The following SPACA6 variants were observed in gnomAD, a reference collection of about 807,000 sequenced individuals.
SPACA6 encodes the protein sperm acrosome membrane-associated protein 6.
For synonymous variants in SPACA6, 6 were observed against 1.5 expected, an observed-to-expected ratio of 4.05 and a Z score of -2.21; for missense variants, 8 against 2.8, an observed-to-expected ratio of 2.88 and a Z score of -1.34.
chr19:51,694,653 A>T (rs1248748718), intron 2 of SPACA6, 98 bp downstream of exon 2: 1 of 398,702 alleles, frequency 2.5e-6, no homozygotes, highest in Non-Finnish European at 4.4e-6. Flanking sequence ...AGGCCCCCAG[A>T]GTTGGGCAGT....
chr19:51,690,240 C>T (rs1276566655), upstream of SPACA6, among the ~76,000 whole-genome samples: 2 of 151,460 alleles, frequency 1.3e-5, no homozygotes, highest in Non-Finnish European at 2.9e-5. Flanking sequence ...TTTCCAGGAT[C>T]CAGGAGTCTG....
At chr19:51,707,718 C>A (rs995260664), downstream of SPACA6, among the ~76,000 whole-genome samples, 8 of 152,188 alleles carry the variant, frequency 5.3e-5, no homozygotes, top group Admixed American at 5.2e-4. Context: ...CAAGACTGCC[C>A]CCACTTCAGA....
Position 51,703,737 on chromosome 19 carries a change from G to A in SPACA6, c.574-293G>A, listed in dbSNP as rs2083488922. Among the ~76,000 whole-genome samples, 1 of 152,156 alleles carries A rather than the reference G, an allele frequency of 6.6e-6. No homozygotes were observed. The highest frequency in any genetic ancestry group is 6.5e-5 in the Admixed American group (1 of 15,284). On this transcript the variant is annotated intron_variant, in intron 6 of 8. Coordinates refer to ENST00000637797, the MANE Select transcript of SPACA6 (RefSeq NM_001316972.2). The surrounding 1 kb of genome is among the most constrained non-coding windows in gnomAD (Gnocchi z 4.2). ...TGCTTAAGTCCAGGAGTTTGAGGCT[G>A]CAGTGAGCTATGATCGCGCCACTGC...
rs560034630 is a variant in SPACA6 at position 51,700,108 on chromosome 19, G to A, written c.293-1550G>A. ...ATCTCTACTAAAAATATAAAAATTC[G>A]CCGAGCATGGTGGTGGGTGCCTGTA... On this transcript the variant is annotated intron_variant, in intron 2 of 8. Transcript: ENST00000637797. Among the ~76,000 whole-genome samples the A allele has an allele frequency of 6.1e-4, 93 of 152,180 alleles. No homozygotes were observed. In the South Asian group the frequency reaches 6.2e-3, roughly 10 times the overall value.
chr19:51,692,771 C>T (rs1341392677), upstream of SPACA6: 2 of 534,502 alleles, frequency 3.7e-6, no homozygotes, highest in South Asian at 1.4e-5. This position sits in a 1 kb window ranked among gnomAD's most constrained non-coding sequence, Gnocchi z 5.6. Flanking sequence ...TCGGGTCTGT[C>T]CACCTGCCGC....
chr19:51,712,257 T>C (rs2083545148), exon 3 of SPACA6: 2 of 152,140 alleles, frequency 1.3e-5, no homozygotes, highest in Non-Finnish European at 2.9e-5. Context: ...TCAAGTGGTC[T>C]CCCTGCCTCG....
At chr19:51,689,895 G>A (rs1160205575), upstream of SPACA6, among the ~76,000 whole-genome samples, 1 of 151,792 alleles carries the variant, frequency 6.6e-6, no homozygotes, top group Non-Finnish European at 1.5e-5. Context: ...GGGGGAGGTG[G>A]AGGAAGACTG....
At chr19:51,705,935 A>T (rs1238646618), downstream of SPACA6, among the ~76,000 whole-genome samples, 3 of 152,118 alleles carry the variant, frequency 2.0e-5, no homozygotes, top group Non-Finnish European at 4.4e-5. Flanking sequence ...ACCTCAAGTG[A>T]TCCACCTGCC....
chr19:51,688,937 G>GGAGA (rs1555791944), upstream of SPACA6, among the ~76,000 whole-genome samples: 17 of 147,358 alleles, frequency 1.2e-4, no homozygotes, highest in Non-Finnish European at 6.0e-5. Context: ...GAGAAGGGAG[G>GGAGA]GAGGGAGAGA....
chr19:51,691,463 G>C (rs1004203043), upstream of SPACA6, among the ~76,000 whole-genome samples: 2 of 150,458 alleles, frequency 1.3e-5, no homozygotes, highest in Admixed American at 1.3e-4. Flanking sequence ...GAGACAAAGA[G>C]GGGGAAGGGG....
upstream of SPACA6, chr19:51,686,073 C>A (rs1429628362): frequency 6.6e-6 from 1 of 152,100 alleles, no homozygotes; most frequent in Non-Finnish European, 1.5e-5. Flanking sequence ...GTAGATGAGT[C>A]TTATGTGCTG....
chr19:51,689,844 T>A (rs2083354359), upstream of SPACA6, among the ~76,000 whole-genome samples: 1 of 151,134 alleles, frequency 6.6e-6, no homozygotes, highest in Non-Finnish European at 1.5e-5. Flanking sequence ...GCTGGTAGGA[T>A]CGTGGCTGGA....
chr19:51,692,576 G>A (rs763711188), upstream of SPACA6: 4 of 513,264 alleles, frequency 7.8e-6, no homozygotes, highest in South Asian at 5.8e-5. The surrounding 1 kb of genome is among the most constrained non-coding windows in gnomAD (Gnocchi z 5.6). Flanking sequence ...GGGTTCCTTG[G>A]GGAGGAGGGG....
At chr19:51,705,030 G>A (rs971440628) in intron 8 of SPACA6, 60 bp from the exon 9 acceptor site, 3 of 401,120 alleles carry the variant, frequency 7.5e-6, no homozygotes, top group Non-Finnish European at 1.3e-5. Context: ...CCAGGCTCCG[G>A]GACCTAAGTT....
chr19:51,693,424 C>A lies in SPACA6; in HGVS notation c.-103C>A. On this transcript the variant is annotated 5_prime_UTR_variant, in exon 1 of 9. Coordinates refer to ENST00000637797, the MANE Select transcript of SPACA6 (RefSeq NM_001316972.2). ...CCTCCAGAGCATGACATTTGACCAC[C>A]AACTGAAACCTGACCTCTGACCCCA... 1 of 632,740 alleles carries A rather than the reference C, an allele frequency of 1.6e-6. No homozygotes were observed. The highest frequency in any genetic ancestry group is 3.0e-6 in the Non-Finnish European group (1 of 328,606). 39.2% of individuals were successfully genotyped at this position (632,740 alleles called of 1,614,324 possible).
At chr19:51,705,383 C>T (rs1425436738), downstream of SPACA6, 27 of 334,080 alleles carry the variant, frequency 8.1e-5, no homozygotes, top group East Asian at 1.2e-3. Flanking sequence ...CTGCAGAAGG[C>T]ACCCTCAAAT....
At chr19:51,702,563 AG>A (rs2083477620) in intron 3 of SPACA6, 65 bp from the exon 4 acceptor site, 2 of 382,886 alleles carry the variant, frequency 5.2e-6, no homozygotes, top group Non-Finnish European at 4.5e-6. Context: ...AACATTAGCT[AG>A]GGGAGCATCG....
chr19:51,701,908 C>T, intron 3 of SPACA6, 182 bp downstream of exon 3: 1 of 353,614 alleles, frequency 2.8e-6, no homozygotes, highest in Non-Finnish European at 5.1e-6. Flanking sequence ...CCCATATCTA[C>T]TAAAGATACT....
chr19:51,692,780 G>A (rs2083386717), upstream of SPACA6: 4 of 534,426 alleles, frequency 7.5e-6, no homozygotes, highest in South Asian at 1.4e-5. The surrounding 1 kb of genome is among the most constrained non-coding windows in gnomAD (Gnocchi z 5.6). Context: ...TCCACCTGCC[G>A]CGCCCCCCGG....
Sources: allele counts gnomAD v4.1 joint callset (sites outside exome capture counted in the v4.1 genomes callset), GRCh38; gene constraint gnomAD v4.1.1; non-coding constraint Gnocchi (gnomAD v3.1); transcripts MANE v1.5; gene names NCBI Gene and HGNC (gene_info 2026-07-23, HGNC 2026-07-21).